The following JUP variants were observed in gnomAD, a reference collection of about 807,000 sequenced individuals.
The protein encoded by JUP is catenin (cadherin-associated protein), gamma 80kDa.
JUP carries 28 observed loss-of-function variants against 71.1 expected under a neutral mutation model. That is an observed-to-expected ratio of 0.39 (90% CI 0.29 to 0.54). The LOEUF (loss-of-function observed/expected upper bound fraction) is 0.54. Among genes scored for constraint, JUP ranks in the 20% least tolerant of loss-of-function variants. The probability of loss-of-function intolerance (pLI) is 0.62; values close to 1 mark genes in which losing one functional copy is unlikely to be tolerated. For missense variants in JUP, 869 were observed against 1,030.1 expected, an observed-to-expected ratio of 0.84 and a Z score of 2.14; for synonymous variants, 401 against 438.9, an observed-to-expected ratio of 0.91 and a Z score of 1.08.
In JUP at chr17:41,771,819, C is replaced by A; in HGVS notation, c.36G>T (p.Lys12Asn). ...TGTATGTCTGCTGCCACTCAGTCAC[C>A]TTGATAGGCTGCTCCATCAGGTTCA... ...EVMNLMEQPI[K>N]VTEWQQTYTY... is the part of the protein sequence containing the mutation. The change falls in exon 2 of 14, where the codon AAG becomes AAT. Residue 12 changes from lysine (K) to asparagine (N), a missense_variant. Physicochemically the swap from Lys to Asn is moderately conservative, Grantham distance 94. Transcript: ENST00000393931. 1 of 1,613,800 alleles carries A rather than the reference C, an allele frequency of 6.2e-7. No homozygotes were observed. The highest frequency in any genetic ancestry group is 1.7e-5 in the Admixed American group (1 of 59,956).
intron 8 of JUP, 24 bp from the exon 9 acceptor site, chr17:41,758,894 C>A: frequency 6.3e-7 from 1 of 1,599,380 alleles, no homozygotes; most frequent in Middle Eastern, 1.7e-4. Flanking sequence ...GGGCAGTGAT[C>A]AGGGGCACTT....
intron 10 of JUP, chr17:41,758,178 GTT>G: frequency 2.0e-6 from 1 of 510,472 alleles, no homozygotes. Context: ...TTTGTTTTTT[GTT>G]TTTTTTTTCC....
intron 5 of JUP, among the ~76,000 whole-genome samples, chr17:41,765,510 C>T (rs782169308): frequency 2.6e-5 from 4 of 152,076 alleles, no homozygotes; most frequent in African/African-American, 4.8e-5. Context: ...TGCCATCACG[C>T]CCGGCTAATT....
intron 9 of JUP, 76 bp from the exon 10 acceptor site, chr17:41,758,594 G>T: frequency 1.3e-6 from 2 of 1,581,160 alleles, no homozygotes; most frequent in South Asian, 2.3e-5. Context: ...ACAGCCGAAT[G>T]AACTTCACAG....
chr17:41,762,875 A>C, intron 8 of JUP, 108 bp downstream of exon 8: 1 of 836,470 alleles, frequency 1.2e-6, no homozygotes, highest in Non-Finnish European at 2.0e-6. Context: ...CTTCTGTCTT[A>C]TTCGAGCCAC....
In JUP at chr17:41,771,670, G is replaced by T. The variant is rs1555606943; in HGVS notation, c.185C>A (p.Thr62Asn). The change falls in exon 2 of 14, where the codon ACC becomes AAC. Residue 62 changes from threonine to asparagine, a missense_variant. Coordinates refer to ENST00000393931, the MANE Select transcript of JUP (RefSeq NM_002230.4). ...ACCTTGGCTGGGGGGCACCCCCTGG[G>T]TGTAAGTGGTGGTTTTCTTGAGCGT... The part of the protein sequence containing the change: ...QYTLKKTTTY[T>N]QGVPPSQGDL... 2 of 1,613,936 alleles carry T rather than the reference G, an allele frequency of 1.2e-6. No individual in the cohort carries two copies. The highest frequency in any genetic ancestry group is 1.7e-6 in the Non-Finnish European group (2 of 1,180,026).
In JUP at chr17:41,765,019, G is replaced by A. The variant is rs200740462; in HGVS notation, c.958C>T (p.Arg320Cys). The A allele has an allele frequency of 4.3e-5, 69 of 1,614,038 alleles. No homozygotes were observed. The East Asian group carries it at 8.9e-4, about 21-fold the overall frequency. Residue 320 changes from arginine to cysteine, a missense_variant, in exon 6 of 14, where the codon CGT becomes TGT. Physicochemically the swap from Arg to Cys is radical, Grantham distance 180. Coordinates refer to ENST00000393931, the MANE Select transcript of JUP (RefSeq NM_002230.4). ...AGCAGCTTTTCATAACTGTAGTTAC[G>A]CATGATCTGCACGAGGGCCTGGGGC... Reference protein sequence around the residue: ...GGPQALVQIMRNYSYEKLLWT... With the variant: ...GGPQALVQIMCNYSYEKLLWT...
intron 2 of JUP, among the ~76,000 whole-genome samples, 174 bp from the exon 3 acceptor site, chr17:41,769,851 C>A (rs1916363900): frequency 6.6e-6 from 1 of 152,144 alleles, no homozygotes; most frequent in South Asian, 2.1e-4. Flanking sequence ...GGGGAAGTCA[C>A]CATCACCTCA....
chr17:41,769,751 G>A, intron 2 of JUP, 74 bp from the exon 3 acceptor site: 1 of 1,534,842 alleles, frequency 6.5e-7, no homozygotes, highest in South Asian at 1.2e-5. Context: ...GCAGGCCACA[G>A]ACAGCCCCAC....
chr17:41,777,520 A>G (rs1196773940), intron 1 of JUP, among the ~76,000 whole-genome samples: 2 of 152,248 alleles, frequency 1.3e-5, no homozygotes, highest in African/African-American at 4.8e-5. Context: ...TGGCAGCTCC[A>G]GGACGGAACC....
chr17:41,779,343 T>C (rs1189959213), intron 1 of JUP, among the ~76,000 whole-genome samples: 2 of 147,484 alleles, frequency 1.4e-5, no homozygotes, highest in African/African-American at 5.0e-5. Flanking sequence ...ATTTTTTTTT[T>C]TTTTTTTTTT....
intron 5 of JUP, among the ~76,000 whole-genome samples, chr17:41,765,827 G>A (rs1915629782): frequency 6.6e-6 from 1 of 152,214 alleles, no homozygotes; most frequent in Non-Finnish European, 1.5e-5. Flanking sequence ...GCCTAGAAGT[G>A]TTAAAAATTG....
rs1555597464 is a variant in JUP at position 41,755,832 on chromosome 17, T to C, written c.2150A>G (p.His717Arg). 6.2e-7 allele frequency: 1 copy of C among 1,613,450 alleles called. No individual in the cohort carries two copies. Among genetic ancestry groups the C allele is most frequent in the Middle Eastern group, 1.7e-4 (1 of 6,058 alleles). Reference sequence around the variant, plus strand: ...GGGGTAGTCTCCATCCATGTCCATGTGCATCTCCAGCGGGTCAAGGGGCAC... The same window carrying C: ...GGGGTAGTCTCCATCCATGTCCATGCGCATCTCCAGCGGGTCAAGGGGCAC... ...SDVPLDPLEM[H>R]MDMDGDYPID... Residue 717 changes from histidine (H) to arginine (R), a missense_variant, in exon 14 of 14, where the codon CAC becomes CGC. Coordinates refer to ENST00000393931, the MANE Select transcript of JUP (RefSeq NM_002230.4).
chr17:41,767,593 G>GGGGGGGGGC lies in JUP; in HGVS notation c.708-14_708-13insGCCCCCCCC. 3 of 1,267,508 alleles carry GGGGGGGGGC rather than the reference G, an allele frequency of 2.4e-6. No homozygotes were observed. Among genetic ancestry groups the GGGGGGGGGC allele is most frequent in the Non-Finnish European group, 3.4e-6 (3 of 873,090 alleles). 78.5% of individuals were successfully genotyped at this position (1,267,508 alleles called of 1,614,324 possible). A position where few individuals can be genotyped will look rare whatever the true frequency, so the allele number is the denominator to read the frequency against. On this transcript the variant is annotated splice_polypyrimidine_tract_variant and intron_variant, in intron 4 of 13. Coordinates refer to ENST00000393931, the MANE Select transcript of JUP (RefSeq NM_002230.4). ...CTCCACAGGGGAGCTGGGGGGGTGG[G>GGGGGGGGGC]CAGGGGTTAGTACGCTGAGGTCCCA...
intron 5 of JUP, 26 bp downstream of exon 5, chr17:41,767,353 C>T: frequency 6.2e-7 from 1 of 1,607,058 alleles, no homozygotes; most frequent in Non-Finnish European, 8.5e-7. Flanking sequence ...GGGCTTCAGG[C>T]CTCGGGAGAG....
intron 4 of JUP, 102 bp downstream of exon 4, chr17:41,768,867 A>ATAG: frequency 2.1e-6 from 2 of 947,886 alleles, no homozygotes; most frequent in Non-Finnish European, 1.6e-6. Context: ...TGCCTGGCAC[A>ATAG]TAGTAGGTGC....
At chr17:41,772,306 GCA>G in intron 1 of JUP, 1 of 294,230 alleles carries the variant, frequency 3.4e-6, no homozygotes. Flanking sequence ...GGGAAAGGCT[GCA>G]GGGAGGAGGC....
At chr17:41,774,825 G>A (rs147160379) in intron 1 of JUP, among the ~76,000 whole-genome samples, 300 of 151,914 alleles carry the variant, frequency 2.0e-3, no homozygotes, top group African/African-American at 4.2e-3. Context: ...TCCCAGGTTC[G>A]GGTGCGGTGG....
Position 41,755,659 on chromosome 17 carries a change from G to T in JUP, c.*85C>A. 1 of 1,318,366 alleles carries T rather than the reference G, an allele frequency of 7.6e-7. No homozygotes were observed. The highest frequency in any genetic ancestry group is 1.0e-6 in the Non-Finnish European group (1 of 977,622). The allele number at this position is 1,318,366 out of a possible 1,614,324, so 81.7% of individuals were successfully genotyped here. On this transcript the variant is annotated 3_prime_UTR_variant, in exon 14 of 14. Transcript: ENST00000393931. ...CAAAAAAGGAGCGCAGGTTTCAGCGGGGAGATGGGAGGGCCTCCAACAGAA... is the reference window on the plus strand; with the variant it reads ...CAAAAAAGGAGCGCAGGTTTCAGCGTGGAGATGGGAGGGCCTCCAACAGAA...
Sources: allele counts gnomAD v4.1 joint callset (sites outside exome capture counted in the v4.1 genomes callset), GRCh38; gene constraint gnomAD v4.1.1; transcripts MANE v1.5; gene names NCBI Gene and HGNC (gene_info 2026-07-23, HGNC 2026-07-21).